Variants in TRPC7 observed in about 807,000 individuals in gnomAD.
TRPC7 encodes the protein transient receptor potential cation channel subfamily C member 7.
In TRPC7, 42 loss-of-function variants were observed where a neutral mutation model predicts 90.1. The ratio of observed to expected loss-of-function variants is 0.47; its 90% confidence interval spans 0.36 to 0.60. The LOEUF (loss-of-function observed/expected upper bound fraction) is 0.60. Ranked by LOEUF, TRPC7 falls within the 20% of genes least tolerant of loss-of-function variation. The probability of loss-of-function intolerance (pLI) is 0.00; values close to 1 mark genes in which losing one functional copy is unlikely to be tolerated. For synonymous variants in TRPC7, 451 were observed against 436.3 expected, an observed-to-expected ratio of 1.03 and a Z score of -0.42; for missense variants, 955 against 1,112.3, an observed-to-expected ratio of 0.86 and a Z score of 2.01.
intron 3 of TRPC7, among the ~76,000 whole-genome samples, chr5:136,281,107 C>T (rs1282816600): frequency 6.6e-6 from 1 of 152,126 alleles, no homozygotes; most frequent in Admixed American, 6.6e-5. Flanking sequence ...TTCCATTTCC[C>T]CAAAGACCAG....
At chr5:136,323,929 A>G (rs1759272462) in intron 2 of TRPC7, among the ~76,000 whole-genome samples, 1 of 152,168 alleles carries the variant, frequency 6.6e-6, no homozygotes, top group Non-Finnish European at 1.5e-5. Context: ...ACTCTTTTGA[A>G]TTCTCCAAAC....
chr5:136,315,499 C>A, intron 3 of TRPC7, 98 bp downstream of exon 3: 2 of 1,327,984 alleles, frequency 1.5e-6, no homozygotes, highest in Non-Finnish European at 2.1e-6. Flanking sequence ...ATCATGGTCA[C>A]CCTGTGGGAA....
chr5:136,293,409 A>C (rs866946248), intron 3 of TRPC7, among the ~76,000 whole-genome samples: 49 of 152,340 alleles, frequency 3.2e-4, no homozygotes, highest in African/African-American at 1.1e-3. Flanking sequence ...TGAGCCCAAA[A>C]TCTCCTTAAG....
rs556376406 is a variant in TRPC7 at position 136,238,230 on chromosome 5, C to T, written c.1845-6681G>A. On this transcript the variant is annotated intron_variant, in intron 7 of 11. Coordinates refer to ENST00000513104, the MANE Select transcript of TRPC7 (RefSeq NM_020389.3). ...GTACAGTGTCTTACTTCCCTAGCTCCGAGCTCTTAATCTATAACTATCTTA... is the reference window on the plus strand; with the variant it reads ...GTACAGTGTCTTACTTCCCTAGCTCTGAGCTCTTAATCTATAACTATCTTA... Among the ~76,000 whole-genome samples, 19 of 152,332 alleles carry T rather than the reference C, an allele frequency of 1.2e-4. 1 individual carries two copies. Among genetic ancestry groups the T allele is most frequent in the Admixed American group, 8.5e-4 (13 of 15,302 alleles).
At chr5:136,262,687 C>T (rs1175933829) in intron 5 of TRPC7, among the ~76,000 whole-genome samples, 1 of 152,062 alleles carries the variant, frequency 6.6e-6, no homozygotes, top group African/African-American at 2.4e-5. Context: ...GAGTAACAAA[C>T]AGGTTAAAAA....
intron 3 of TRPC7, among the ~76,000 whole-genome samples, chr5:136,293,270 G>A (rs1310906786): frequency 6.6e-6 from 1 of 152,172 alleles, no homozygotes; most frequent in African/African-American, 2.4e-5. Flanking sequence ...ATTCAACATA[G>A]TGTTGGAAGT....
Position 136,315,792 on chromosome 5 carries a change from A to G in TRPC7, c.781-13T>C. The G allele has an allele frequency of 1.2e-6, 2 of 1,610,628 alleles. No individual in the cohort carries two copies. ...TCCTGTAATCGTTCTAACAGAATAG[A>G]GAGAAATCAGCGGTATGTCACATGG... is the stretch of plus-strand genomic sequence containing the variant. On this transcript the variant is annotated splice_polypyrimidine_tract_variant and intron_variant, in intron 2 of 11. Coordinates refer to ENST00000513104, the MANE Select transcript of TRPC7 (RefSeq NM_020389.3).
chr5:136,260,319 A>G (rs966490159), intron 5 of TRPC7, among the ~76,000 whole-genome samples: 2 of 152,232 alleles, frequency 1.3e-5, no homozygotes, highest in African/African-American at 4.8e-5. Context: ...GTTAATGGTT[A>G]TGCAGAGAAA....
chr5:136,352,090 G>T (rs761112885), intron 2 of TRPC7, among the ~76,000 whole-genome samples: 13 of 152,162 alleles, frequency 8.5e-5, no homozygotes, highest in Non-Finnish European at 1.5e-4. Context: ...AGAACCACCA[G>T]ATGTTAAATA....
At chr5:136,249,540 T>C (rs1370656794) in intron 6 of TRPC7, among the ~76,000 whole-genome samples, 1 of 152,200 alleles carries the variant, frequency 6.6e-6, no homozygotes, top group Non-Finnish European at 1.5e-5. Flanking sequence ...AAGGAATTCT[T>C]TTTTTCTGCG....
chr5:136,280,003 T>A (rs1580894328), intron 3 of TRPC7, among the ~76,000 whole-genome samples: 2 of 150,676 alleles, frequency 1.3e-5, no homozygotes, highest in African/African-American at 2.5e-5. Context: ...AAAAAAAAAA[T>A]ACAAAAATTA....
intron 1 of TRPC7, 38 bp from the exon 2 acceptor site, chr5:136,357,423 C>T (rs760222981): frequency 2.1e-5 from 33 of 1,546,282 alleles, no homozygotes; most frequent in South Asian, 3.6e-5. Flanking sequence ...TACTTTCCTG[C>T]GGATTCCCTA....
At chr5:136,254,501 G>GT (rs1244804240) in intron 5 of TRPC7, among the ~76,000 whole-genome samples, 1 of 152,172 alleles carries the variant, frequency 6.6e-6, no homozygotes, top group Non-Finnish European at 1.5e-5. Flanking sequence ...GGATGACAGC[G>GT]TATCTGTTTA....
intron 2 of TRPC7, among the ~76,000 whole-genome samples, chr5:136,320,237 C>T (rs1759149180): frequency 6.6e-6 from 1 of 152,146 alleles, no homozygotes; most frequent in Non-Finnish European, 1.5e-5. Context: ...GCAAATCCTG[C>T]AAGTTCTACT....
chr5:136,331,395 T>C (rs1475306012), intron 2 of TRPC7, among the ~76,000 whole-genome samples: 1 of 151,676 alleles, frequency 6.6e-6, no homozygotes, highest in Admixed American at 6.6e-5. Context: ...GCCCTGGAGG[T>C]ACAATGGAGA....
In TRPC7 at chr5:136,332,565, C is replaced by T. The variant is rs116067631; in HGVS notation, c.781-16786G>A. On this transcript the variant is annotated intron_variant, in intron 2 of 11. Transcript: ENST00000513104. ...GAGGAGAGACAAACGTGACTTGGAC[C>T]AGAAGGGAATTGAGTAAGGAGAGGA... Among the ~76,000 whole-genome samples, 773 of 152,154 alleles carry T rather than the reference C, an allele frequency of 5.1e-3. 5 individuals are homozygous for T. Among genetic ancestry groups the T allele is most frequent in the African/African-American group, 0.018 (735 of 41,498 alleles).
At chr5:136,268,187 A>G (rs1272225093) in intron 4 of TRPC7, among the ~76,000 whole-genome samples, 1 of 152,194 alleles carries the variant, frequency 6.6e-6, no homozygotes, top group Non-Finnish European at 1.5e-5. Flanking sequence ...CCATTTCCCA[A>G]CCAGGACCTT....
intron 2 of TRPC7, among the ~76,000 whole-genome samples, chr5:136,346,673 C>T (rs990510713): frequency 6.6e-6 from 1 of 152,152 alleles, no homozygotes; most frequent in Admixed American, 6.5e-5. Flanking sequence ...GGACTGACCT[C>T]TTAGTTAGGA....
chr5:136,349,169 T>C (rs1169938996), intron 2 of TRPC7, among the ~76,000 whole-genome samples: 1 of 152,234 alleles, frequency 6.6e-6, no homozygotes, highest in African/African-American at 2.4e-5. Flanking sequence ...TTCCAGCCCA[T>C]GTCGCCTCTC....
Sources: allele counts gnomAD v4.1 joint callset (sites outside exome capture counted in the v4.1 genomes callset), GRCh38; gene constraint gnomAD v4.1.1; transcripts MANE v1.5; gene names NCBI Gene and HGNC (gene_info 2026-07-23, HGNC 2026-07-21).